The following IKZF2 variants were observed in gnomAD, a reference collection of about 807,000 sequenced individuals.
IKZF2 encodes the protein IKAROS family zinc finger 2.
IKZF2 carries 15 observed loss-of-function variants against 49.2 expected under a neutral mutation model. The observed-to-expected ratio is 0.30, with a 90% CI of 0.20 to 0.47. IKZF2 has a LOEUF of 0.47. Among genes scored for constraint, IKZF2 ranks in the 20% least tolerant of loss-of-function variants. The probability of loss-of-function intolerance (pLI) is 1.00; values close to 1 mark genes in which losing one functional copy is unlikely to be tolerated. For missense variants in IKZF2, 567 were observed against 664.6 expected, an observed-to-expected ratio of 0.85 and a Z score of 1.61; for synonymous variants, 227 against 221.4, an observed-to-expected ratio of 1.03 and a Z score of -0.23.
At chr2:213,072,214 T>C (rs554464675) in intron 4 of IKZF2, among the ~76,000 whole-genome samples, 6 of 151,732 alleles carry the variant, frequency 4.0e-5, no homozygotes, top group East Asian at 3.9e-4. Context: ...CAGCTAACGA[T>C]GAAATATAAG....
chr2:213,127,530 A>T (rs2060306404), intron 4 of IKZF2, among the ~76,000 whole-genome samples: 1 of 152,184 alleles, frequency 6.6e-6, no homozygotes, highest in Admixed American at 6.5e-5. Context: ...TAATGATGTG[A>T]TACGGTATTG....
At position 213,014,144 on chromosome 2, in the gene IKZF2, T is replaced by C; in HGVS notation, c.713-210A>G. 8 of 415,236 alleles carry C rather than the reference T, an allele frequency of 1.9e-5. No homozygotes were observed. The South Asian group carries it at 3.1e-4, about 16-fold the overall frequency. The allele number at this position is 415,236 out of a possible 1,614,324, so 25.7% of individuals were successfully genotyped here. A position where few individuals can be genotyped will look rare whatever the true frequency, so the allele number is the denominator to read the frequency against. On this transcript the variant is annotated intron_variant, in intron 7 of 8. Coordinates refer to ENST00000434687, the MANE Select transcript of IKZF2 (RefSeq NM_001387220.1). ...GGATTTGTTTTTATTTGAGTCTCTCTTAAATCCATGACATACATACACTGT... is the reference window on the plus strand; with the variant it reads ...GGATTTGTTTTTATTTGAGTCTCTCCTAAATCCATGACATACATACACTGT...
chr2:213,120,769 G>T (rs968692145), intron 4 of IKZF2, among the ~76,000 whole-genome samples: 1 of 152,116 alleles, frequency 6.6e-6, no homozygotes, highest in African/African-American at 2.4e-5. Context: ...TTTTGAGACA[G>T]TCTCGTAGTA....
Position 213,007,879 on chromosome 2 carries a change from A to G in IKZF2, c.1062T>C (p.Ala354=). ...TATTTGGATGATAGACCTGAGAATA[A>G]GCTGAGCTTATAACTGGGGCCACTT... ...IAEVAPVISS[A]YSQVYHPNRI... Residue 354 remains alanine (A), a synonymous_variant, in exon 9 of 9, where the codon GCT becomes GCC. Transcript: ENST00000434687. The G allele has an allele frequency of 6.2e-7, 1 of 1,613,548 alleles. No homozygotes were observed. Among genetic ancestry groups the G allele is most frequent in the South Asian group, 1.1e-5 (1 of 91,070 alleles).
intron 4 of IKZF2, among the ~76,000 whole-genome samples, chr2:213,092,247 T>C (rs1303128240): frequency 6.6e-6 from 1 of 152,186 alleles, no homozygotes; most frequent in Non-Finnish European, 1.5e-5. Flanking sequence ...CAGACTAGTT[T>C]TGAACTTTGA....
At chr2:213,116,857 T>G (rs1330826920) in intron 4 of IKZF2, among the ~76,000 whole-genome samples, 4 of 152,208 alleles carry the variant, frequency 2.6e-5, no homozygotes, top group Non-Finnish European at 5.9e-5. Flanking sequence ...TTAATTAACC[T>G]GCATTCATTC....
At chr2:213,091,383 A>C (rs1705316805) in intron 4 of IKZF2, among the ~76,000 whole-genome samples, 1 of 152,212 alleles carries the variant, frequency 6.6e-6, no homozygotes. Context: ...AAATAATATG[A>C]GAGGTACATT....
chr2:213,035,940 T>A (rs1698979509), intron 6 of IKZF2, among the ~76,000 whole-genome samples: 1 of 152,172 alleles, frequency 6.6e-6, no homozygotes, highest in Admixed American at 6.6e-5. Flanking sequence ...AGAGCTTATA[T>A]CTCAGCTTTC....
intron 2 of IKZF2, among the ~76,000 whole-genome samples, chr2:213,149,340 G>A (rs769987078): frequency 2.0e-5 from 3 of 149,000 alleles, no homozygotes; most frequent in Non-Finnish European, 4.4e-5. Flanking sequence ...TTGTGCTAGA[G>A]AGAATCATTT....
intron 6 of IKZF2, among the ~76,000 whole-genome samples, chr2:213,026,281 G>A (rs138490606): frequency 2.0e-5 from 3 of 152,008 alleles, no homozygotes; most frequent in East Asian, 1.9e-4. Flanking sequence ...CCATTTTAAC[G>A]TGATCTTTCT....
chr2:213,070,681 G>A (rs780960632), intron 4 of IKZF2, among the ~76,000 whole-genome samples: 1 of 152,124 alleles, frequency 6.6e-6, no homozygotes, highest in Non-Finnish European at 1.5e-5. Flanking sequence ...AACCTAACAA[G>A]GTAAGCAGTT....
intron 4 of IKZF2, among the ~76,000 whole-genome samples, chr2:213,129,420 C>T (rs998993410): frequency 1.3e-5 from 2 of 149,840 alleles, no homozygotes; most frequent in Admixed American, 6.7e-5. Context: ...AAAACGTGTC[C>T]CAAACCAAAG....
intron 4 of IKZF2, among the ~76,000 whole-genome samples, chr2:213,122,346 A>G (rs899643999): frequency 3.3e-5 from 5 of 152,178 alleles, no homozygotes; most frequent in African/African-American, 7.2e-5. Context: ...CACATATACT[A>G]TCTGACAGTA....
rs1380223256 is a variant in IKZF2, at chr2:213,001,728, A to G, written c.*5632T>C. 6.6e-6 allele frequency: 1 copy of G among 151,804 alleles called. No individual in the cohort carries two copies. The highest frequency in any genetic ancestry group is 1.9e-4 in the East Asian group (1 of 5,164). 9.4% of individuals were successfully genotyped at this position (151,804 alleles called of 1,614,324 possible). A position where few individuals can be genotyped will look rare whatever the true frequency, so the allele number is the denominator to read the frequency against. On this transcript the variant is annotated 3_prime_UTR_variant, in exon 9 of 9. Transcript: ENST00000434687. ...ATCCATAGACAATGACAGAAGGGAG[A>G]CGGACAAAGAAAGAGGCTGAGGGAG...
intron 7 of IKZF2, chr2:213,014,418 T>C (rs1454974976): frequency 2.0e-5 from 3 of 153,332 alleles, no homozygotes; most frequent in Non-Finnish European, 4.4e-5. Context: ...GCGTATTTTC[T>C]ATTTGATGAG....
intron 1 of IKZF2, among the ~76,000 whole-genome samples, chr2:213,150,634 G>T (rs2126003562): frequency 7.5e-6 from 1 of 132,954 alleles, no homozygotes; most frequent in African/African-American, 2.9e-5. Context: ...CGATTAACAA[G>T]AGAAAAAACT....
rs111574854 is a variant in IKZF2 at position 213,104,286 on chromosome 2, A to G, written c.139+43422T>C. Among the ~76,000 whole-genome samples, 921 of 152,048 alleles carry G rather than the reference A, an allele frequency of 6.1e-3. 10 individuals carry two copies. Among genetic ancestry groups the G allele is most frequent in the African/African-American group, 0.021 (877 of 41,482 alleles). On this transcript the variant is annotated intron_variant, in intron 4 of 8. Transcript: ENST00000434687. ...CAAAAAAAAAAAAAAAGAAAAAGAA[A>G]AAGTTACAACTCAAATTCTGTAGTA...
chr2:213,151,701 G>A (rs1375353008), upstream of IKZF2: 3 of 147,978 alleles, frequency 2.0e-5, no homozygotes, highest in African/African-American at 4.9e-5. Flanking sequence ...GACGCCCGCG[G>A]GCGGAGGGCG....
In IKZF2 at chr2:213,052,855, G is replaced by A. The variant is rs73987747; in HGVS notation, c.407-2975C>T. Among the ~76,000 whole-genome samples, 492 of 152,150 alleles carry A rather than the reference G, an allele frequency of 3.2e-3. 4 individuals carry two copies. The Middle Eastern group carries it at 0.037, about 12-fold the overall frequency. ...CTGGCCTAGGCATTACAGAATAAGT[G>A]TAAAATTATCTGATAATTAAGTAAA... On this transcript the variant is annotated intron_variant, in intron 5 of 8. Coordinates refer to ENST00000434687, the MANE Select transcript of IKZF2 (RefSeq NM_001387220.1).
Sources: gnomAD v4.1 joint callset for allele counts (sites outside exome capture counted in the v4.1 genomes callset) on GRCh38, gnomAD v4.1.1 for gene constraint, MANE v1.5 for transcripts, NCBI Gene and HGNC (gene_info 2026-07-23, HGNC 2026-07-21) for gene names.